TAF3: variants seen among roughly 807,000 people sequenced by gnomAD.
TAF3 encodes the protein TATA-box binding protein associated factor 3.
A neutral mutation model predicts 80.6 loss-of-function variants in TAF3; 7 were observed. The observed-to-expected ratio is 0.09, with a 90% CI of 0.05 to 0.16. The LOEUF (loss-of-function observed/expected upper bound fraction) is 0.16. Ranked by LOEUF, TAF3 falls within the 10% of genes least tolerant of loss-of-function variation. The pLI, the probability that TAF3 is intolerant of heterozygous loss-of-function variation, is 1.00. For synonymous variants in TAF3, 444 were observed against 446.1 expected, an observed-to-expected ratio of 1.00 and a Z score of 0.06; for missense variants, 921 against 1,140.2, an observed-to-expected ratio of 0.81 and a Z score of 2.77.
At chr10:7,931,955 A>G (rs1837873034) in intron 2 of TAF3, among the ~76,000 whole-genome samples, 1 of 152,222 alleles carries the variant, frequency 6.6e-6, no homozygotes, top group Admixed American at 6.5e-5. Context: ...CTTGAGGAGT[A>G]CAAAGTGCTA....
At chr10:8,005,945 G>A (rs1234725743) in intron 4 of TAF3, among the ~76,000 whole-genome samples, 2 of 152,130 alleles carry the variant, frequency 1.3e-5, no homozygotes, top group Non-Finnish European at 2.9e-5. Context: ...GTAGTAACCT[G>A]TGTTAATTTA....
chr10:7,904,526 ATGAC>A (rs1175904742), intron 2 of TAF3, among the ~76,000 whole-genome samples: 1 of 152,226 alleles, frequency 6.6e-6, no homozygotes, highest in Non-Finnish European at 1.5e-5. Context: ...GGATAATTAA[ATGAC>A]TGAGAAATAA....
At chr10:7,978,016 T>C (rs1831690409) in intron 4 of TAF3, among the ~76,000 whole-genome samples, 1 of 152,160 alleles carries the variant, frequency 6.6e-6, no homozygotes, top group African/African-American at 2.4e-5. Context: ...AATAAGATAA[T>C]GAAACATTGA....
At chr10:7,988,572 CAAAAAAAAA>C (rs58825999) in intron 4 of TAF3, among the ~76,000 whole-genome samples, 30 of 49,284 alleles carry the variant, frequency 6.1e-4, no homozygotes, top group South Asian at 6.4e-4. Flanking sequence ...GACCCTGTCT[CAAAAAAAAA>C]AAAAAAAAAA....
Position 7,964,597 on chromosome 10 carries a change from C to G in TAF3, c.1087C>G (p.Gln363Glu), listed in dbSNP as rs568125079. ...SKETIQVKQI[Q>E]TPPDAGKLNS... ...AGAGACTATCCAGGTAAAACAAATACAGACACCCCCTGATGCTGGGAAACT... is the reference window on the plus strand; with the variant it reads ...AGAGACTATCCAGGTAAAACAAATAGAGACACCCCCTGATGCTGGGAAACT... Residue 363 changes from glutamine to glutamate, a missense_variant, in exon 3 of 7, where the codon CAG (glutamine) becomes GAG (glutamate). Physicochemically the swap from Gln to Glu is conservative, Grantham distance 29. This residue lies in a region of TAF3 where 743 missense variants were observed against 821.0 expected (regional missense o/e 0.90). Transcript: ENST00000344293. The surrounding 1 kb of genome is among the most constrained non-coding windows in gnomAD (Gnocchi z 4.1). The G allele has an allele frequency of 1.2e-6, 2 of 1,614,088 alleles. No individual in the cohort carries two copies. Among genetic ancestry groups the G allele is most frequent in the South Asian group, 2.2e-5 (2 of 91,076 alleles).
intron 2 of TAF3, among the ~76,000 whole-genome samples, chr10:7,888,759 T>G (rs1837433343): frequency 6.6e-6 from 1 of 152,262 alleles, no homozygotes; most frequent in African/African-American, 2.4e-5. Flanking sequence ...AGCTTTCGCA[T>G]CTGTTCCTGG....
intron 2 of TAF3, among the ~76,000 whole-genome samples, chr10:7,890,078 G>A (rs1287903400): frequency 6.6e-6 from 1 of 152,166 alleles, no homozygotes; most frequent in African/African-American, 2.4e-5. Context: ...ACTTGGCCAT[G>A]GCAGGTAAGA....
chr10:7,923,662 G>T (rs1837787942), intron 2 of TAF3, among the ~76,000 whole-genome samples: 2 of 150,910 alleles, frequency 1.3e-5, no homozygotes, highest in South Asian at 4.2e-4. Context: ...CAATAGAGTA[G>T]CGGATACCTG....
At chr10:7,996,267 C>A (rs1831886541) in intron 4 of TAF3, among the ~76,000 whole-genome samples, 1 of 152,192 alleles carries the variant, frequency 6.6e-6, no homozygotes, top group East Asian at 1.9e-4. Flanking sequence ...AGCTCACGCA[C>A]AGCTGTCGGC....
intron 2 of TAF3, among the ~76,000 whole-genome samples, chr10:7,910,780 C>T (rs954295589): frequency 1.3e-5 from 2 of 152,184 alleles, no homozygotes; most frequent in Non-Finnish European, 2.9e-5. Flanking sequence ...AGGAATAATT[C>T]GGTGAGCTCT....
chr10:7,845,398 T>G (rs1382950211), intron 2 of TAF3, among the ~76,000 whole-genome samples: 6 of 152,204 alleles, frequency 3.9e-5, no homozygotes, highest in Admixed American at 2.0e-4. Flanking sequence ...TTCGTTTAAT[T>G]AAGTCACTTA....
At chr10:7,871,686 T>C (rs184398507) in intron 2 of TAF3, among the ~76,000 whole-genome samples, 1 of 152,090 alleles carries the variant, frequency 6.6e-6, no homozygotes, top group Non-Finnish European at 1.5e-5. Flanking sequence ...TCAGGTGATC[T>C]GCCCACCTCA....
intron 2 of TAF3, among the ~76,000 whole-genome samples, chr10:7,945,678 T>C (rs1056712288): frequency 2.6e-5 from 4 of 152,218 alleles, no homozygotes; most frequent in East Asian, 3.9e-4. Context: ...CTTGCTCCTC[T>C]GCCCCTGAAA....
At chr10:7,940,246 G>A (rs1837964445) in intron 2 of TAF3, among the ~76,000 whole-genome samples, 2 of 152,178 alleles carry the variant, frequency 1.3e-5, no homozygotes, top group Non-Finnish European at 2.9e-5. Flanking sequence ...TTTTAGACAT[G>A]TGGAGTCTGA....
intron 2 of TAF3, among the ~76,000 whole-genome samples, chr10:7,928,497 C>T (rs1036870983): frequency 6.6e-6 from 1 of 152,044 alleles, no homozygotes; most frequent in Non-Finnish European, 1.5e-5. Context: ...TATGAATTTC[C>T]TAACTAGAGT....
At chr10:7,863,436 C>A (rs760266955) in intron 2 of TAF3, among the ~76,000 whole-genome samples, 1 of 150,956 alleles carries the variant, frequency 6.6e-6, no homozygotes, top group Non-Finnish European at 1.5e-5. Flanking sequence ...GATGGTGAAA[C>A]CCCGTCTCTA....
chr10:7,917,986 G>T (rs1837727901), intron 2 of TAF3, among the ~76,000 whole-genome samples: 1 of 152,164 alleles, frequency 6.6e-6, no homozygotes, highest in South Asian at 2.1e-4. Context: ...ACATGACAAA[G>T]AGCAAACACA....
chr10:7,897,085 ACTT>A (rs1399041727), intron 2 of TAF3, among the ~76,000 whole-genome samples: 4 of 151,974 alleles, frequency 2.6e-5, no homozygotes, highest in East Asian at 1.9e-4. Flanking sequence ...TGAATCCCCA[ACTT>A]CTTCTTCTGC....
At chr10:7,828,527 G>A (rs537574545) in intron 2 of TAF3, among the ~76,000 whole-genome samples, 1 of 152,248 alleles carries the variant, frequency 6.6e-6, no homozygotes, top group South Asian at 2.1e-4. Context: ...TTTTATCCAA[G>A]AACATTCTCT....
Sources: allele counts gnomAD v4.1 joint callset (sites outside exome capture counted in the v4.1 genomes callset), GRCh38; gene constraint gnomAD v4.1.1; regional missense constraint gnomAD v4.1.1; non-coding constraint Gnocchi (gnomAD v3.1); transcripts MANE v1.5; gene names NCBI Gene and HGNC (gene_info 2026-07-23, HGNC 2026-07-21).